The following LARGE1 variants were observed in gnomAD, a reference collection of about 807,000 sequenced individuals.
LARGE1 encodes LARGE xylosyl- and glucuronyltransferase 1, also known as xylosyl- and glucuronyltransferase LARGE1.
In LARGE1, 43 loss-of-function variants were observed where a neutral mutation model predicts 87.6. That is an observed-to-expected ratio of 0.49 (90% CI 0.38 to 0.63). LARGE1 has a LOEUF of 0.63. Among genes scored for constraint, LARGE1 ranks in the 30% least tolerant of loss-of-function variants. LARGE1 has a pLI of 0.00. For missense variants in LARGE1, 802 were observed against 1,000.2 expected (o/e 0.80, Z 2.67); for synonymous variants, 434 against 394.6 (o/e 1.10, Z -1.18).
chr22:33,856,704 T>G (rs2063765228), intron 1 of LARGE1: 1 of 152,206 alleles, frequency 6.6e-6, no homozygotes, highest in Non-Finnish European at 1.5e-5. Context: ...CTGTGAGGAT[T>G]TAATAAAACA....
chr22:33,564,984 A>T lies in LARGE1; in HGVS notation c.651T>A (p.Ser217=), dbSNP rs143547253. 2.2e-5 allele frequency: 35 copies of T among 1,614,216 alleles called. No homozygotes were observed. The African/African-American group carries it at 4.0e-4, about 18-fold the overall frequency. The change falls in exon 6 of 15, where the codon TCT becomes TCA. Residue 217 remains serine (S), a synonymous_variant. Coordinates refer to ENST00000397394, the MANE Select transcript of LARGE1 (RefSeq NM_133642.5). ...CAAGCTTCATCAGACCATAAATCCC[A>T]GAGTAATGTTTATTGGGGATCCAGG... ...EVSWIPNKHY[S]GIYGLMKLVL...
At chr22:33,879,681 A>C (rs2064605916) in intron 1 of LARGE1, among the ~76,000 whole-genome samples, 1 of 152,212 alleles carries the variant, frequency 6.6e-6, no homozygotes, top group African/African-American at 2.4e-5. Context: ...AAAATTAATT[A>C]ACCACTCCTT....
At chr22:33,425,643 C>T (rs749183626) in intron 7 of LARGE1, among the ~76,000 whole-genome samples, 22 of 152,218 alleles carry the variant, frequency 1.4e-4, no homozygotes, top group Admixed American at 1.0e-3. Context: ...CAGACTCCAT[C>T]TACAGGCAGT....
chr22:33,603,443 C>A (rs550822993), intron 5 of LARGE1, among the ~76,000 whole-genome samples: 6 of 152,270 alleles, frequency 3.9e-5, no homozygotes, highest in Non-Finnish European at 1.5e-5. Flanking sequence ...GAATAAGATG[C>A]GGCTCCTCTC....
At chr22:33,439,402 T>A (rs2067388652) in intron 6 of LARGE1, among the ~76,000 whole-genome samples, 2 of 151,954 alleles carry the variant, frequency 1.3e-5, no homozygotes, top group Non-Finnish European at 2.9e-5. Flanking sequence ...CCTCACCCCA[T>A]CCCTGCTGTC....
chr22:33,231,679 T>C (rs1926012300), intron 11 of LARGE1, among the ~76,000 whole-genome samples: 2 of 152,214 alleles, frequency 1.3e-5, no homozygotes, highest in African/African-American at 4.8e-5. Flanking sequence ...TCTCAAAATG[T>C]TGAGAAACTA....
At chr22:33,602,558 C>T (rs983487688) in intron 5 of LARGE1, among the ~76,000 whole-genome samples, 2 of 151,896 alleles carry the variant, frequency 1.3e-5, no homozygotes, top group African/African-American at 2.4e-5. Context: ...TGTAGAGACA[C>T]GCATCTCACT....
chr22:33,644,069 G>C (rs548180683), intron 3 of LARGE1, among the ~76,000 whole-genome samples: 1 of 152,190 alleles, frequency 6.6e-6, no homozygotes, highest in Non-Finnish European at 1.5e-5. Flanking sequence ...TATGAGGCCA[G>C]CATCACCCTA....
intron 1 of LARGE1, among the ~76,000 whole-genome samples, chr22:33,855,987 C>G (rs1432834165): frequency 2.6e-5 from 4 of 152,142 alleles, no homozygotes; most frequent in Admixed American, 6.5e-5. Flanking sequence ...GTCTTGGCAT[C>G]CTGAGACGCA....
intron 9 of LARGE1, among the ~76,000 whole-genome samples, chr22:33,341,191 C>T (rs571514142): frequency 5.5e-4 from 84 of 152,074 alleles, no homozygotes; most frequent in African/African-American, 1.8e-3. Flanking sequence ...AAAAGACACC[C>T]CAAAGTGCTC....
chr22:33,649,912 G>A (rs2149179409), intron 3 of LARGE1, among the ~76,000 whole-genome samples: 1 of 152,356 alleles, frequency 6.6e-6, no homozygotes, highest in East Asian at 1.9e-4. Context: ...TAAGGAACAA[G>A]TCTGTGGTTC....
chr22:33,311,945 G>A (rs1935643779), intron 11 of LARGE1, among the ~76,000 whole-genome samples: 1 of 152,184 alleles, frequency 6.6e-6, no homozygotes, highest in African/African-American at 2.4e-5. Context: ...GATTGAATGA[G>A]TTGGTGGGAT....
chr22:33,630,377 C>T (rs1013250497), intron 3 of LARGE1, among the ~76,000 whole-genome samples: 2 of 152,176 alleles, frequency 1.3e-5, no homozygotes, highest in Non-Finnish European at 2.9e-5. Context: ...AGCCTATCAT[C>T]GTTAGGTGAC....
chr22:33,436,033 C>T (rs929894520), intron 6 of LARGE1, among the ~76,000 whole-genome samples: 34 of 152,182 alleles, frequency 2.2e-4, no homozygotes, highest in African/African-American at 8.2e-4. Context: ...TGCTTTCAGG[C>T]TGTGCCTTCC....
chr22:33,083,681 C>T, the LARGE1 span, among the ~76,000 whole-genome samples: 9 of 152,088 alleles, frequency 5.9e-5, no homozygotes, highest in East Asian at 1.9e-4. Flanking sequence ...TTTGTGAGTT[C>T]GAAGTGTGTT....
At chr22:33,093,481 G>T in the LARGE1 span, among the ~76,000 whole-genome samples, 1 of 152,106 alleles carries the variant, frequency 6.6e-6, no homozygotes, top group Non-Finnish European at 1.5e-5. Context: ...TAATTTTGAG[G>T]GGTAGTAAAT....
intron 2 of LARGE1, among the ~76,000 whole-genome samples, chr22:33,675,287 T>A: frequency 2.2e-4 from 3 of 13,346 alleles, no homozygotes; most frequent in Admixed American, 1.5e-3. Flanking sequence ...AGAGCGAAAC[T>A]CCATCAAAAA....
rs1270490457 is a variant in LARGE1 at position 33,283,109 on chromosome 22, CA to C, written c.1877+92del. 12 of 1,540,364 alleles carry C rather than the reference CA, an allele frequency of 7.8e-6. No homozygotes were observed. In the East Asian group the frequency reaches 1.6e-4, roughly 20 times the overall value. On this transcript the variant is annotated intron_variant, in intron 13 of 14. Coordinates refer to ENST00000397394, the MANE Select transcript of LARGE1 (RefSeq NM_133642.5). ...CCTCACAATGGACTAAGGCGAGCGA[CA>C]AACTTCCAGATCGATAGCTTTGGCA...
At chr22:33,816,520 G>C (rs1230564310) in intron 1 of LARGE1, among the ~76,000 whole-genome samples, 1 of 152,080 alleles carries the variant, frequency 6.6e-6, no homozygotes, top group Non-Finnish European at 1.5e-5. Context: ...CCACCCTCAA[G>C]ACCTCACTGC....
Sources: allele counts gnomAD v4.1 joint callset (sites outside exome capture counted in the v4.1 genomes callset), GRCh38; gene constraint gnomAD v4.1.1; transcripts MANE v1.5; gene names NCBI Gene and HGNC (gene_info 2026-07-23, HGNC 2026-07-21).